The following CNTN4 variants were observed in gnomAD, a reference collection of about 807,000 sequenced individuals.
The protein encoded by CNTN4 is contactin-4.
In CNTN4, 77 loss-of-function variants were observed where a neutral mutation model predicts 122.5. The ratio of observed to expected loss-of-function variants is 0.63; its 90% confidence interval spans 0.52 to 0.76. CNTN4 has a LOEUF of 0.76. Ranked by LOEUF, CNTN4 falls within the 30% of genes least tolerant of loss-of-function variation. CNTN4 has a pLI of 0.00. For missense variants in CNTN4, 1,256 were observed against 1,259.1 expected, an observed-to-expected ratio of 1.00 and a Z score of 0.04; for synonymous variants, 512 against 447.0, an observed-to-expected ratio of 1.15 and a Z score of -1.83.
In CNTN4 at chr3:2,517,286, T is replaced by G. The variant is rs116409691; in HGVS notation, c.-88-54130T>G. 7.7e-3 allele frequency among the ~76,000 whole-genome samples: 1,170 copies of G among 152,246 alleles called. 9 individuals are homozygous for G. The highest frequency in any genetic ancestry group is 0.023 in the African/African-American group (941 of 41,548). ...GTTTCTGGAGTAGTTAATGGGGATATTCCATCTAGTTCAGTAGATATTGAT... is the reference window on the plus strand; with the variant it reads ...GTTTCTGGAGTAGTTAATGGGGATAGTCCATCTAGTTCAGTAGATATTGAT... On this transcript the variant is annotated intron_variant, in intron 3 of 24. Coordinates refer to ENST00000418658, the MANE Select transcript of CNTN4 (RefSeq NM_175607.3).
intron 2 of CNTN4, among the ~76,000 whole-genome samples, chr3:2,130,991 A>T: frequency 6.6e-6 from 1 of 152,144 alleles, no homozygotes; most frequent in East Asian, 1.9e-4. Context: ...GGTTTTCCAG[A>T]GCGTTTTGCA....
At position 2,170,213 on chromosome 3, in the gene CNTN4, G is replaced by T. The variant is rs569639464; in HGVS notation, c.-145+69574G>T. Among the ~76,000 whole-genome samples, 1,170 of 151,780 alleles carry T rather than the reference G, an allele frequency of 7.7e-3. 12 individuals carry two copies. Among genetic ancestry groups the T allele is most frequent in the African/African-American group, 0.027 (1,119 of 41,334 alleles). On this transcript the variant is annotated intron_variant, in intron 2 of 24. Transcript: ENST00000418658. ...GCGGCGCCTGTAGTCCCAGCTACTC[G>T]GGAGGCTGAGGCGGGAGAATGGCGG...
rs562176089 is a variant in CNTN4 at position 2,703,610 on chromosome 3, A to G, written c.56-32605A>G. 3.9e-5 allele frequency among the ~76,000 whole-genome samples: 6 copies of G among 152,288 alleles called. No homozygotes were observed. In the South Asian group the frequency reaches 8.3e-4, roughly 21 times the overall value. On this transcript the variant is annotated intron_variant, in intron 4 of 24. Coordinates refer to ENST00000418658, the MANE Select transcript of CNTN4 (RefSeq NM_175607.3). Reference sequence around the variant, plus strand: ...ATCTAGGAATCTAGAAATTCCACATATTAGCATAGAAGGCCCAAACTAGAA... The same window carrying G: ...ATCTAGGAATCTAGAAATTCCACATGTTAGCATAGAAGGCCCAAACTAGAA...
intron 16 of CNTN4, among the ~76,000 whole-genome samples, chr3:3,031,905 G>T (rs1699198311): frequency 6.6e-6 from 1 of 152,180 alleles, no homozygotes; most frequent in Non-Finnish European, 1.5e-5. Context: ...AAAATTTAGG[G>T]TATGAGCGTT....
At chr3:2,140,379 T>A (rs749518866) in intron 2 of CNTN4, among the ~76,000 whole-genome samples, 1 of 152,210 alleles carries the variant, frequency 6.6e-6, no homozygotes, top group Non-Finnish European at 1.5e-5. Flanking sequence ...TTCAGGCTGC[T>A]ATAACAAGTT....
chr3:3,013,475 G>A (rs1405695357), intron 14 of CNTN4, among the ~76,000 whole-genome samples: 1 of 152,084 alleles, frequency 6.6e-6, no homozygotes, highest in African/African-American at 2.4e-5. Flanking sequence ...TCCAGTGAAC[G>A]GAGTCCTGCT....
intron 13 of CNTN4, among the ~76,000 whole-genome samples, chr3:2,938,851 G>A (rs890399056): frequency 6.6e-6 from 1 of 152,164 alleles, no homozygotes; most frequent in African/African-American, 2.4e-5. Context: ...AAATAGCTGT[G>A]TATCATCAAG....
intron 14 of CNTN4, among the ~76,000 whole-genome samples, chr3:3,009,179 TGGG>T (rs1326030988): frequency 6.6e-6 from 1 of 152,136 alleles, no homozygotes; most frequent in African/African-American, 2.4e-5. Flanking sequence ...CCATAAACAG[TGGG>T]CCATGGTTAC....
chr3:2,405,717 C>A (rs1031414312), intron 3 of CNTN4, among the ~76,000 whole-genome samples: 2 of 152,000 alleles, frequency 1.3e-5, no homozygotes, highest in Non-Finnish European at 2.9e-5. Context: ...AAATTGAACA[C>A]CATCATCAAA....
chr3:2,706,950 G>A (rs1413820340), intron 4 of CNTN4, among the ~76,000 whole-genome samples: 2 of 151,918 alleles, frequency 1.3e-5, no homozygotes, highest in Non-Finnish European at 2.9e-5. Flanking sequence ...AGTGTAACTG[G>A]CATGGGGAAG....
intron 3 of CNTN4, among the ~76,000 whole-genome samples, chr3:2,512,345 A>T (rs544426278): frequency 3.2e-4 from 48 of 152,300 alleles, no homozygotes; most frequent in African/African-American, 1.1e-3. Context: ...ACTTCTTAAG[A>T]AGTAATGTGA....
At chr3:2,655,037 T>A (rs921866197) in intron 4 of CNTN4, among the ~76,000 whole-genome samples, 13 of 152,174 alleles carry the variant, frequency 8.5e-5, no homozygotes, top group African/African-American at 2.9e-4. Flanking sequence ...TAATTGTTTA[T>A]GAGGAAATTT....
At chr3:2,848,261 A>C (rs537967404) in intron 7 of CNTN4, among the ~76,000 whole-genome samples, 1 of 152,164 alleles carries the variant, frequency 6.6e-6, no homozygotes, top group African/African-American at 2.4e-5. Flanking sequence ...AAATGTTAGC[A>C]TAGGCTTTTA....
At chr3:2,909,238 T>A (rs2094272340) in intron 12 of CNTN4, among the ~76,000 whole-genome samples, 1 of 152,098 alleles carries the variant, frequency 6.6e-6, no homozygotes, top group Non-Finnish European at 1.5e-5. Flanking sequence ...ACTTAAGTTG[T>A]CATGAAGAGG....
At chr3:2,173,951 T>C (rs2036628208) in intron 2 of CNTN4, among the ~76,000 whole-genome samples, 1 of 152,224 alleles carries the variant, frequency 6.6e-6, no homozygotes, top group African/African-American at 2.4e-5. Context: ...TTTTATTTTA[T>C]TGTCAAACAG....
At chr3:2,099,049 G>A (rs985965553) in intron 1 of CNTN4, 71 bp downstream of exon 1, 3 of 152,594 alleles carry the variant, frequency 2.0e-5, no homozygotes, top group Non-Finnish European at 4.4e-5. Flanking sequence ...CGCGGTCGCG[G>A]GTGTGGGGGG....
At chr3:2,765,222 G>A (rs916241898) in intron 6 of CNTN4, among the ~76,000 whole-genome samples, 43 of 152,228 alleles carry the variant, frequency 2.8e-4, no homozygotes, top group Non-Finnish European at 6.0e-4. Flanking sequence ...AGTACAAAGA[G>A]ATAGAGGATA....
chr3:2,392,312 G>A (rs943416330), intron 3 of CNTN4, among the ~76,000 whole-genome samples: 1 of 152,098 alleles, frequency 6.6e-6, no homozygotes, highest in East Asian at 1.9e-4. Flanking sequence ...CACTTAGCTT[G>A]TTTTCTCCTG....
intron 13 of CNTN4, among the ~76,000 whole-genome samples, chr3:2,966,213 G>A (rs140171413): frequency 7.4e-4 from 112 of 152,142 alleles, no homozygotes; most frequent in African/African-American, 2.5e-3. Flanking sequence ...TTAACTGTTC[G>A]GGAATCTCAA....
Sources: allele counts gnomAD v4.1 joint callset (sites outside exome capture counted in the v4.1 genomes callset), GRCh38; gene constraint gnomAD v4.1.1; transcripts MANE v1.5; gene names NCBI Gene and HGNC (gene_info 2026-07-23, HGNC 2026-07-21).